The following CLSTN2 variants were observed in gnomAD, a reference collection of about 807,000 sequenced individuals.
The protein encoded by CLSTN2 is calsyntenin 2, also known as calsyntenin-2.
Under a neutral mutation model 101.2 loss-of-function variants are expected in CLSTN2, and 48 were observed. That is an observed-to-expected ratio of 0.47 (90% CI 0.38 to 0.60). The LOEUF is 0.60. Ranked by LOEUF, CLSTN2 falls within the 20% of genes least tolerant of loss-of-function variation. The pLI is 0.00. For missense variants in CLSTN2, 1,160 were observed against 1,238.2 expected (o/e 0.94, Z 0.95); for synonymous variants, 481 against 463.6 (o/e 1.04, Z -0.48).
intron 1 of CLSTN2, among the ~76,000 whole-genome samples, chr3:139,945,478 A>T (rs1034130872): frequency 6.6e-6 from 1 of 152,230 alleles, no homozygotes; most frequent in Non-Finnish European, 1.5e-5. Context: ...TTCTTTCTTT[A>T]TACTGTCTTA....
intron 2 of CLSTN2, among the ~76,000 whole-genome samples, chr3:140,235,786 G>A (rs115773740): frequency 6.6e-6 from 1 of 152,300 alleles, no homozygotes; most frequent in African/African-American, 2.4e-5. Flanking sequence ...TATGATTGGA[G>A]GAGTAGGTGG....
At chr3:140,522,201 G>A (rs561221220) in intron 8 of CLSTN2, among the ~76,000 whole-genome samples, 1 of 152,346 alleles carries the variant, frequency 6.6e-6, no homozygotes, top group South Asian at 2.1e-4. Flanking sequence ...TTCCCCACAG[G>A]TCGGGTTGTT....
Position 140,566,653 on chromosome 3 carries a change from A to T in CLSTN2, c.*400A>T, listed in dbSNP as rs1985251065. 3 of 249,248 alleles carry T rather than the reference A, an allele frequency of 1.2e-5. No individual in the cohort carries two copies. The allele number at this position is 249,248 out of a possible 1,614,324, so 15.4% of individuals were successfully genotyped here. On this transcript the variant is annotated 3_prime_UTR_variant, in exon 17 of 17. Transcript: ENST00000458420. ...CCAACTCACTGTGCGTCTCCTCCAC[A>T]CAGACCAGTAGGTTCTCCTATGCTG...
rs552803165 is a variant in CLSTN2, at chr3:140,524,431, C to G, written c.1345-7893C>G. Among the ~76,000 whole-genome samples, 5 of 152,340 alleles carry G rather than the reference C, an allele frequency of 3.3e-5. No homozygotes were observed. In the East Asian group the frequency reaches 9.6e-4, roughly 29 times the overall value. On this transcript the variant is annotated intron_variant, in intron 8 of 16. Transcript: ENST00000458420. ...ACAGTGGTGTGTATGTTAGTTCTAA[C>G]TTACAATAAGATTATATGTTCCTTG...
chr3:140,124,240 G>A (rs922347138), intron 1 of CLSTN2, among the ~76,000 whole-genome samples: 21 of 152,108 alleles, frequency 1.4e-4, no homozygotes, highest in Non-Finnish European at 3.1e-4. Context: ...AGTGACTGGG[G>A]ATGGATAGGC....
intron 5 of CLSTN2, among the ~76,000 whole-genome samples, chr3:140,447,792 A>G (rs530427130): frequency 6.6e-6 from 1 of 152,340 alleles, no homozygotes; most frequent in African/African-American, 2.4e-5. Context: ...CAAAAATGTC[A>G]TCGGTGGCAC....
intron 2 of CLSTN2, among the ~76,000 whole-genome samples, chr3:140,331,472 A>G (rs2087382713): frequency 6.6e-6 from 1 of 152,266 alleles, no homozygotes; most frequent in African/African-American, 2.4e-5. Context: ...GATATTAACC[A>G]TCACACCAGG....
intron 2 of CLSTN2, among the ~76,000 whole-genome samples, chr3:140,283,061 A>G (rs541786430): frequency 6.6e-6 from 1 of 152,234 alleles, no homozygotes; most frequent in East Asian, 1.9e-4. Flanking sequence ...TCCCTAAATC[A>G]TGTTGTTCAG....
chr3:140,463,929 C>T (rs1933624384), intron 7 of CLSTN2, among the ~76,000 whole-genome samples: 1 of 152,146 alleles, frequency 6.6e-6, no homozygotes, highest in African/African-American at 2.4e-5. Context: ...GGAAGATCAA[C>T]TGGAAAGAGC....
intron 1 of CLSTN2, among the ~76,000 whole-genome samples, chr3:140,094,524 A>G (rs2008835362): frequency 6.6e-6 from 1 of 152,232 alleles, no homozygotes; most frequent in Non-Finnish European, 1.5e-5. Flanking sequence ...TATTCAAGGA[A>G]ATGAATTTTT....
intron 1 of CLSTN2, among the ~76,000 whole-genome samples, chr3:140,048,002 G>T (rs994214918): frequency 1.3e-5 from 2 of 151,992 alleles, no homozygotes; most frequent in Non-Finnish European, 2.9e-5. Flanking sequence ...GGAAATAAAT[G>T]CATGGCTATT....
At chr3:140,011,853 G>A (rs2007081223) in intron 1 of CLSTN2, among the ~76,000 whole-genome samples, 1 of 152,032 alleles carries the variant, frequency 6.6e-6, no homozygotes, top group Non-Finnish European at 1.5e-5. Flanking sequence ...AGTGGGTGTG[G>A]GGTGAGAGTG....
At chr3:140,363,050 T>C (rs953391081) in intron 2 of CLSTN2, among the ~76,000 whole-genome samples, 34 of 152,174 alleles carry the variant, frequency 2.2e-4, no homozygotes, top group African/African-American at 7.5e-4. Flanking sequence ...GGAAGTATTA[T>C]TTATAGTAGC....
At chr3:140,006,928 T>C (rs2006970840) in intron 1 of CLSTN2, among the ~76,000 whole-genome samples, 1 of 152,186 alleles carries the variant, frequency 6.6e-6, no homozygotes, top group Admixed American at 6.5e-5. Context: ...AGAATAAATA[T>C]TTAATGCAAT....
intron 2 of CLSTN2, among the ~76,000 whole-genome samples, chr3:140,180,112 A>G (rs2010386142): frequency 6.6e-6 from 1 of 152,210 alleles, no homozygotes; most frequent in African/African-American, 2.4e-5. Context: ...AAGAGTGTCT[A>G]TGACACATCT....
At chr3:140,273,382 A>G (rs1452328797) in intron 2 of CLSTN2, among the ~76,000 whole-genome samples, 1 of 152,148 alleles carries the variant, frequency 6.6e-6, no homozygotes, top group African/African-American at 2.4e-5. Flanking sequence ...TAAAATAAGA[A>G]TATATATATT....
intron 5 of CLSTN2, among the ~76,000 whole-genome samples, chr3:140,434,766 A>T (rs1559868784): frequency 6.6e-6 from 1 of 152,228 alleles, no homozygotes; most frequent in African/African-American, 2.4e-5. Flanking sequence ...TATGACTGAC[A>T]GGAGACAGGC....
chr3:140,218,542 T>C (rs1464511026), intron 2 of CLSTN2, among the ~76,000 whole-genome samples: 1 of 152,120 alleles, frequency 6.6e-6, no homozygotes, highest in Non-Finnish European at 1.5e-5. Context: ...CCCCTGTTGT[T>C]AGATAGTCTG....
intron 2 of CLSTN2, among the ~76,000 whole-genome samples, chr3:140,217,721 C>T (rs534285165): frequency 1.3e-5 from 2 of 152,288 alleles, no homozygotes; most frequent in African/African-American, 4.8e-5. Context: ...TTGGTTTTCT[C>T]CCAGTCAGCT....
Sources: allele counts gnomAD v4.1 joint callset (sites outside exome capture counted in the v4.1 genomes callset), GRCh38; gene constraint gnomAD v4.1.1; transcripts MANE v1.5; gene names NCBI Gene and HGNC (gene_info 2026-07-23, HGNC 2026-07-21).